The following HTRA3 variants were observed in gnomAD, a reference collection of about 807,000 sequenced individuals.
The protein encoded by HTRA3 is HtrA serine peptidase 3.
HTRA3 carries 41 observed loss-of-function variants against 43.2 expected under a neutral mutation model. The ratio of observed to expected loss-of-function variants is 0.95; its 90% CI spans 0.74 to 1.23. The LOEUF (loss-of-function observed/expected upper bound fraction) is 1.23, where lower values mean the gene tolerates loss of function less well. Among genes scored for constraint, HTRA3 ranks in the 50% most tolerant of loss-of-function variants. HTRA3 has a pLI of 0.00. For missense variants in HTRA3, 628 were observed against 647.1 expected (o/e 0.97, Z 0.32); for synonymous variants, 295 against 287.9 (o/e 1.02, Z -0.25).
chr4:8,291,580 A>T lies in HTRA3; in HGVS notation c.903+16A>T. ...CATCATCAACGTGAGTCCCAGGGAC[A>T]GGAGGCCGGGGCACCTGCCATCTGT... On this transcript the variant is annotated intron_variant, in intron 4 of 8. Transcript: ENST00000307358. The T allele has an allele frequency of 6.5e-7, 1 of 1,539,658 alleles. No individual in the cohort carries two copies. The highest frequency in any genetic ancestry group is 8.8e-7 in the Non-Finnish European group (1 of 1,139,974).
chr4:8,292,273 G>T (rs1340472560), intron 4 of HTRA3, 48 bp from the exon 5 acceptor site: 5 of 1,578,088 alleles, frequency 3.2e-6, no homozygotes, highest in Non-Finnish European at 4.3e-6. Flanking sequence ...GCTCCAGGAA[G>T]CCTCAGGCGG....
At chr4:8,281,759 G>A (rs1712754573) in intron 1 of HTRA3, among the ~76,000 whole-genome samples, 1 of 152,254 alleles carries the variant, frequency 6.6e-6, no homozygotes, top group Admixed American at 6.5e-5. Flanking sequence ...ACTGCTGACG[G>A]CAGCAGGAAT....
chr4:8,282,791 ATGC>A (rs1286379499), intron 2 of HTRA3, among the ~76,000 whole-genome samples: 3 of 152,350 alleles, frequency 2.0e-5, no homozygotes, highest in Non-Finnish European at 2.9e-5. Context: ...TTGTCCCTTC[ATGC>A]TGCTGCCCAT....
chr4:8,282,358 C>A, intron 1 of HTRA3, 79 bp from the exon 2 acceptor site: 1 of 1,132,362 alleles, frequency 8.8e-7, no homozygotes, highest in Non-Finnish European at 1.3e-6. Context: ...CCTCCTCCTT[C>A]TGCCCACTGG....
At chr4:8,302,631 C>A in intron 7 of HTRA3, 120 bp downstream of exon 7, 1 of 884,962 alleles carries the variant, frequency 1.1e-6, no homozygotes, top group East Asian at 2.5e-5. Context: ...CGGGCCGATG[C>A]ACTCAGGCCT....
rs1254457410 is a variant in HTRA3 at position 8,304,188 on chromosome 4, G to A, written c.1105G>A (p.Val369Met). 6.2e-7 allele frequency: 1 copy of A among 1,613,918 alleles called. No homozygotes were observed. The highest frequency in any genetic ancestry group is 8.5e-7 in the Non-Finnish European group (1 of 1,179,930). ...IRMRTITPSL[V>M]DELKASNPDF... ...TTGACGGCAGACTCTTTCCAGCCTG[G>A]TGGATGAGCTGAAGGCCAGCAACCC... is the stretch of plus-strand genomic sequence containing the variant. Residue 369 changes from valine to methionine, a missense_variant, in exon 8 of 9, where the codon GTG (valine) becomes ATG (methionine). By Grantham distance (21) the Val-to-Met change is conservative (BLOSUM62 1). Transcript: ENST00000307358.
intron 3 of HTRA3, among the ~76,000 whole-genome samples, chr4:8,288,903 T>TTCCA: frequency 7.0e-6 from 1 of 142,304 alleles, no homozygotes; most frequent in African/African-American, 2.7e-5. Flanking sequence ...CCGTCCGTCC[T>TTCCA]TCCTTCCTTC....
intron 1 of HTRA3, among the ~76,000 whole-genome samples, chr4:8,272,607 T>C (rs73081575): frequency 0.07 from 10,717 of 152,286 alleles, 891 homozygotes; most frequent in African/African-American, 0.2. Flanking sequence ...TCATATGTTG[T>C]TATCACTGTG....
Position 8,270,148 on chromosome 4 carries a change from G to C in HTRA3, c.180G>C (p.Glu60Asp), listed in dbSNP as rs1240239916. ...TGGTGTGCGCCGCCAGCGAGGGCGA[G>C]CCCTGTGGCGGCCCTCTGGACTCGC... ...CCLVCAASEG[E>D]PCGGPLDSPC... is the part of the protein sequence containing the mutation. The change falls in exon 1 of 9, where the codon GAG (glutamate) becomes GAC (aspartate). Residue 60 changes from glutamate (E) to aspartate (D), a missense_variant. Coordinates refer to ENST00000307358, the MANE Select transcript of HTRA3 (RefSeq NM_053044.5). 31 of 1,544,066 alleles carry C rather than the reference G, an allele frequency of 2.0e-5. No homozygotes were observed. The highest frequency in any genetic ancestry group is 2.7e-5 in the Non-Finnish European group (31 of 1,157,840).
At chr4:8,294,630 A>G (rs1340323932) in intron 6 of HTRA3, among the ~76,000 whole-genome samples, 77 of 306 alleles carry the variant, frequency 0.25, 3 homozygotes, top group African/African-American at 0.43. Context: ...CCATCCATCC[A>G]TCCATCCATC....
At chr4:8,301,044 C>G (rs1713630753) in intron 6 of HTRA3, among the ~76,000 whole-genome samples, 1 of 149,670 alleles carries the variant, frequency 6.7e-6, no homozygotes, top group Admixed American at 6.6e-5. Context: ...GATTCACACT[C>G]TCAGCTTTAT....
chr4:8,301,843 T>C (rs1182046030), intron 6 of HTRA3, among the ~76,000 whole-genome samples: 1 of 152,250 alleles, frequency 6.6e-6, no homozygotes, highest in Non-Finnish European at 1.5e-5. Context: ...TACCTATTAT[T>C]GATTTCTAAT....
chr4:8,273,232 C>T (rs1029993691), intron 1 of HTRA3, among the ~76,000 whole-genome samples: 23 of 152,190 alleles, frequency 1.5e-4, no homozygotes, highest in Admixed American at 8.5e-4. Flanking sequence ...GGCTGGGAGT[C>T]GGGTCAGGCC....
At position 8,283,679 on chromosome 4, in the gene HTRA3, G is replaced by A. The variant is rs574637398; in HGVS notation, c.485+1143G>A. 3.9e-5 allele frequency among the ~76,000 whole-genome samples: 6 copies of A among 152,340 alleles called. No individual in the cohort carries two copies. In the East Asian group the frequency reaches 5.8e-4, roughly 15 times the overall value. ...AACCAAGCCTCATTCCACCCTGATAGGGATCAGACGGCGGGTCCAGGCGGA... is the reference window on the plus strand; with the variant it reads ...AACCAAGCCTCATTCCACCCTGATAAGGATCAGACGGCGGGTCCAGGCGGA... On this transcript the variant is annotated intron_variant, in intron 2 of 8. Coordinates refer to ENST00000307358, the MANE Select transcript of HTRA3 (RefSeq NM_053044.5).
In HTRA3 at chr4:8,286,443, C is replaced by G; in HGVS notation, c.486-118C>G. ...AATGGGAGCTTGAGGGACTCCAGAC[C>G]TGTGTTCTGTCAGCCACACACTGGC... On this transcript the variant is annotated intron_variant, in intron 2 of 8. Transcript: ENST00000307358. The surrounding 1 kb of genome is among the most constrained non-coding windows in gnomAD (Gnocchi z 4.9). 1 of 831,038 alleles carries G rather than the reference C, an allele frequency of 1.2e-6. No homozygotes were observed. The highest frequency in any genetic ancestry group is 2.0e-6 in the Non-Finnish European group (1 of 497,182). The allele number at this position is 831,038 out of a possible 1,614,324, so 51.5% of individuals were successfully genotyped here.
chr4:8,294,622 A>T, intron 6 of HTRA3, among the ~76,000 whole-genome samples: 1 of 222 alleles, frequency 4.5e-3, no homozygotes, highest in Non-Finnish European at 8.5e-3. Flanking sequence ...CCATCCATCC[A>T]TCCATCCATC....
chr4:8,302,652 C>G, intron 7 of HTRA3, 141 bp downstream of exon 7: 1 of 756,906 alleles, frequency 1.3e-6, no homozygotes, highest in Non-Finnish European at 2.4e-6. Context: ...CTGACCGTTG[C>G]TCAGGCCAGT....
rs760304694 is a variant in HTRA3 at position 8,286,742 on chromosome 4, G to A, written c.667G>A (p.Asp223Asn). ...CTATGAGGCCACCATCAAAGACATC[G>A]ACAAGAAGTCGGACATTGCCACCAT... The part of the protein sequence containing the change: ...DSYEATIKDI[D>N]KKSDIATIKI... The change falls in exon 3 of 9, where the codon GAC becomes AAC. Residue 223 changes from aspartate to asparagine, a missense_variant. Asp to Asn is a conservative substitution (Grantham distance 23). Transcript: ENST00000307358. This position sits in a 1 kb window ranked among gnomAD's most constrained non-coding sequence, Gnocchi z 4.9. 2.7e-5 allele frequency: 43 copies of A among 1,613,980 alleles called. No homozygotes were observed. The South Asian group carries it at 3.8e-4, about 14-fold the overall frequency.
At chr4:8,277,815 T>C (rs947981291) in intron 1 of HTRA3, among the ~76,000 whole-genome samples, 2 of 152,168 alleles carry the variant, frequency 1.3e-5, no homozygotes, top group African/African-American at 2.4e-5. Flanking sequence ...CTGGGACCCA[T>C]GGCTATCCAC....
Sources: allele counts gnomAD v4.1 joint callset (sites outside exome capture counted in the v4.1 genomes callset), GRCh38; gene constraint gnomAD v4.1.1; non-coding constraint Gnocchi (gnomAD v3.1); transcripts MANE v1.5; gene names NCBI Gene and HGNC (gene_info 2026-07-23, HGNC 2026-07-21).